The following UNC13C variants were observed in gnomAD, a reference collection of about 807,000 sequenced individuals.
UNC13C encodes unc-13 homolog C.
A neutral mutation model predicts 245.4 loss-of-function variants in UNC13C; 174 were observed. The observed-to-expected ratio is 0.71, with a 90% CI of 0.63 to 0.80. The LOEUF (loss-of-function observed/expected upper bound fraction) is 0.80, where lower values mean the gene tolerates loss of function less well. Ranked by LOEUF, UNC13C falls within the 30% of genes least tolerant of loss-of-function variation. The pLI, the probability that UNC13C is intolerant of heterozygous loss-of-function variation, is 0.00. For synonymous variants in UNC13C, 992 were observed against 895.1 expected (o/e 1.11, Z -1.93); for missense variants, 2,829 against 2,602.9 (o/e 1.09, Z -1.89).
chr15:54,167,500 C>CAAAAAAAAAA (rs67762910), intron 4 of UNC13C, among the ~76,000 whole-genome samples: 2 of 90,652 alleles, frequency 2.2e-5, no homozygotes, highest in Non-Finnish European at 4.4e-5. Context: ...ACACTCGTCT[C>CAAAAAAAAAA]AAAAAAAAAA....
chr15:54,297,977 A>G (rs917414768), intron 12 of UNC13C, 51 bp downstream of exon 12: 1 of 1,230,722 alleles, frequency 8.1e-7, no homozygotes, highest in South Asian at 1.4e-5. Context: ...GTTCTTGATT[A>G]TGGATTATAA....
At chr15:54,288,029 A>G (rs1398878154) in intron 10 of UNC13C, among the ~76,000 whole-genome samples, 1 of 152,156 alleles carries the variant, frequency 6.6e-6, no homozygotes, top group East Asian at 1.9e-4. Flanking sequence ...CAAATTAAAC[A>G]CTATGTATCT....
rs1898426664 is a variant in UNC13C at position 54,585,231 on chromosome 15, C to T, written c.6106+17284C>T. Among the ~76,000 whole-genome samples the T allele has an allele frequency of 3.9e-5, 6 of 152,282 alleles. 1 individual carries two copies. The South Asian group carries it at 1.2e-3, about 32-fold the overall frequency. On this transcript the variant is annotated intron_variant, in intron 30 of 32. Transcript: ENST00000260323. ...TGTTTGGGTCACGGGGCAGATCCTTCATGAATGGCTTGGTACCCTCCTCAT... is the reference window on the plus strand; with the variant it reads ...TGTTTGGGTCACGGGGCAGATCCTTTATGAATGGCTTGGTACCCTCCTCAT...
intron 26 of UNC13C, among the ~76,000 whole-genome samples, chr15:54,541,673 T>C (rs1015395874): frequency 1.3e-5 from 2 of 152,052 alleles, no homozygotes; most frequent in Non-Finnish European, 2.9e-5. Context: ...TGTGCCTGTT[T>C]TTGAGTTGTA....
At chr15:54,345,218 C>T (rs1596258257) in intron 17 of UNC13C, among the ~76,000 whole-genome samples, 2 of 152,096 alleles carry the variant, frequency 1.3e-5, no homozygotes, top group South Asian at 2.1e-4. Flanking sequence ...AGGACAGTGC[C>T]GAGTAGGTGT....
chr15:54,600,298 G>A (rs1226840285), intron 30 of UNC13C, among the ~76,000 whole-genome samples: 1 of 152,102 alleles, frequency 6.6e-6, no homozygotes, highest in Non-Finnish European at 1.5e-5. Context: ...GGAACACTGT[G>A]TAGAAAAGGG....
At chr15:54,387,367 T>C (rs2039861280) in intron 17 of UNC13C, among the ~76,000 whole-genome samples, 1 of 152,156 alleles carries the variant, frequency 6.6e-6, no homozygotes, top group African/African-American at 2.4e-5. Context: ...CCATGTAAGA[T>C]AACTTCCAGG....
At chr15:54,286,080 C>T (rs1197531918) in intron 10 of UNC13C, among the ~76,000 whole-genome samples, 1 of 152,028 alleles carries the variant, frequency 6.6e-6, no homozygotes, top group Admixed American at 6.6e-5. Flanking sequence ...AGGGTTTCAC[C>T]ATTTTGGCCA....
intron 7 of UNC13C, among the ~76,000 whole-genome samples, chr15:54,240,483 C>G (rs1166350275): frequency 1.3e-5 from 2 of 152,120 alleles, no homozygotes; most frequent in East Asian, 3.9e-4. Flanking sequence ...AATGGTACCA[C>G]TTCTATTTTA....
In UNC13C at chr15:54,459,659, C is replaced by T. The variant is rs536987630; in HGVS notation, c.4934-34949C>T. Among the ~76,000 whole-genome samples, 200 of 152,124 alleles carry T rather than the reference C, an allele frequency of 1.3e-3. 1 individual carries two copies. Among genetic ancestry groups the T allele is most frequent in the African/African-American group, 4.7e-3 (195 of 41,520 alleles). ...AGCCTTGTCTTTGAGTTCTGAAGTT[C>T]ATTCTTCTACTTGTTCAGTTCTATT... On this transcript the variant is annotated intron_variant, in intron 19 of 32. Transcript: ENST00000260323.
intron 30 of UNC13C, among the ~76,000 whole-genome samples, chr15:54,616,905 TTA>T (rs1477117150): frequency 6.6e-6 from 1 of 152,058 alleles, no homozygotes; most frequent in Non-Finnish European, 1.5e-5. Context: ...TGTCTTGTTT[TTA>T]TGTTTTATAC....
At chr15:54,058,545 G>T (rs1273897172) in intron 2 of UNC13C, among the ~76,000 whole-genome samples, 1 of 152,146 alleles carries the variant, frequency 6.6e-6, no homozygotes, top group Non-Finnish European at 1.5e-5. Flanking sequence ...AGGAGGAGCT[G>T]GTACCATTCC....
chr15:54,488,542 G>C (rs1893543487), intron 19 of UNC13C, among the ~76,000 whole-genome samples: 2 of 152,044 alleles, frequency 1.3e-5, no homozygotes, highest in Admixed American at 6.5e-5. Flanking sequence ...ATGAGAATAG[G>C]TCAAGAATAT....
the UNC13C span, among the ~76,000 whole-genome samples, chr15:53,897,404 C>T: frequency 6.6e-6 from 1 of 152,174 alleles, no homozygotes; most frequent in Non-Finnish European, 1.5e-5. Context: ...TTTTCGAGTA[C>T]ATGGATAGCA....
intron 19 of UNC13C, among the ~76,000 whole-genome samples, chr15:54,479,795 C>T (rs4776233): frequency 0.41 from 62,671 of 151,752 alleles, 13,211 homozygotes; most frequent in East Asian, 0.62. Context: ...CATCTTTTCA[C>T]TTCCAAATAT....
chr15:54,555,737 A>G (rs12916041), intron 29 of UNC13C, among the ~76,000 whole-genome samples: 18 of 152,114 alleles, frequency 1.2e-4, no homozygotes, highest in African/African-American at 4.3e-4. Context: ...ACCCCTGTCT[A>G]TCTCCTTATG....
intron 4 of UNC13C, among the ~76,000 whole-genome samples, chr15:54,185,684 G>T (rs28847570): frequency 0.061 from 8,105 of 133,314 alleles, 1,073 homozygotes; most frequent in African/African-American, 0.19. Flanking sequence ...CCTTGTAGTA[G>T]AGTTTGAAGT....
At chr15:54,096,525 G>A (rs1054030232) in intron 2 of UNC13C, among the ~76,000 whole-genome samples, 1 of 151,994 alleles carries the variant, frequency 6.6e-6, no homozygotes, top group Non-Finnish European at 1.5e-5. Flanking sequence ...CAACTCTCAC[G>A]CTTTCTTCAA....
chr15:54,009,550 C>T (rs1807962), intron 1 of UNC13C, among the ~76,000 whole-genome samples: 115,302 of 143,864 alleles, frequency 0.8, 46,374 homozygotes, highest in East Asian at 0.96. Context: ...TCTTCTTCTT[C>T]TTTTTTTTTT....
Sources: gnomAD v4.1 joint callset for allele counts (sites outside exome capture counted in the v4.1 genomes callset) on GRCh38, gnomAD v4.1.1 for gene constraint, MANE v1.5 for transcripts, NCBI Gene and HGNC (gene_info 2026-07-23, HGNC 2026-07-21) for gene names.